Variants in GABRB2 observed in about 807,000 individuals in gnomAD.
The protein encoded by GABRB2 is gamma-aminobutyric acid receptor subunit beta-2.
In GABRB2, 16 loss-of-function variants were observed where a neutral mutation model predicts 54.7. The observed-to-expected ratio is 0.29, with a 90% CI of 0.20 to 0.44. The LOEUF (loss-of-function observed/expected upper bound fraction) is 0.44. Among genes scored for constraint, GABRB2 ranks in the 20% least tolerant of loss-of-function variants. GABRB2 has a pLI of 1.00. For missense variants in GABRB2, 355 were observed against 644.0 expected (o/e 0.55, Z 4.86); for synonymous variants, 244 against 233.8 (o/e 1.04, Z -0.40).
At chr5:161,356,111 T>A (rs553671359) in intron 5 of GABRB2, among the ~76,000 whole-genome samples, 1 of 152,210 alleles carries the variant, frequency 6.6e-6, no homozygotes, top group East Asian at 1.9e-4. Context: ...GACATACACA[T>A]GAATAGGATC....
intron 4 of GABRB2, among the ~76,000 whole-genome samples, chr5:161,421,795 T>C (rs1580972233): frequency 6.6e-6 from 1 of 152,302 alleles, no homozygotes; most frequent in African/African-American, 2.4e-5. Context: ...GAGGAAAGCC[T>C]GTTTTAACTG....
intron 5 of GABRB2, among the ~76,000 whole-genome samples, chr5:161,373,083 C>A (rs1414405530): frequency 6.6e-6 from 1 of 151,538 alleles, no homozygotes; most frequent in African/African-American, 2.4e-5. Flanking sequence ...ATTTTTTTTT[C>A]CACTTAGAAA....
intron 5 of GABRB2, among the ~76,000 whole-genome samples, chr5:161,369,629 A>AAG (rs1258340972): frequency 1.3e-5 from 2 of 151,668 alleles, no homozygotes; most frequent in South Asian, 4.2e-4. Flanking sequence ...TTTATTGAGA[A>AAG]AGAGAGAGAG....
intron 4 of GABRB2, among the ~76,000 whole-genome samples, chr5:161,443,107 C>T (rs1001501291): frequency 6.6e-6 from 1 of 152,076 alleles, no homozygotes; most frequent in Admixed American, 6.6e-5. Context: ...ATTACACCCT[C>T]CCCTCCCTGC....
intron 4 of GABRB2, among the ~76,000 whole-genome samples, chr5:161,445,231 A>G (rs564464309): frequency 1.3e-5 from 2 of 152,296 alleles, no homozygotes; most frequent in Non-Finnish European, 2.9e-5. Flanking sequence ...ATATAGTTAT[A>G]AAGAATAAAA....
chr5:161,445,170 C>T (rs780352822), intron 4 of GABRB2, among the ~76,000 whole-genome samples: 5 of 152,080 alleles, frequency 3.3e-5, no homozygotes, highest in Admixed American at 1.3e-4. Flanking sequence ...TCTCACAGAG[C>T]TTATATTCTA....
intron 4 of GABRB2, among the ~76,000 whole-genome samples, chr5:161,433,338 G>A (rs998772507): frequency 2.0e-5 from 3 of 151,810 alleles, no homozygotes; most frequent in Non-Finnish European, 4.4e-5. Context: ...GATGGCTCAT[G>A]CCTGTAATCC....
intron 9 of GABRB2, among the ~76,000 whole-genome samples, chr5:161,315,104 C>A (rs1405198141): frequency 6.6e-6 from 1 of 151,852 alleles, no homozygotes; most frequent in African/African-American, 2.4e-5. Flanking sequence ...TAAAAATAGG[C>A]AAAATATTAC....
chr5:161,309,867 G>A (rs943991907), intron 9 of GABRB2, among the ~76,000 whole-genome samples: 5 of 152,030 alleles, frequency 3.3e-5, no homozygotes, highest in Admixed American at 6.5e-5. Flanking sequence ...TCCTGACCTC[G>A]TGATCTGCCC....
intron 8 of GABRB2, chr5:161,326,952 T>A: frequency 4.1e-6 from 4 of 975,020 alleles, no homozygotes; most frequent in Non-Finnish European, 4.9e-6. Flanking sequence ...GGAAACAATA[T>A]AAAGCTTAAA....
In GABRB2 at chr5:161,294,423, G is replaced by A. The variant is rs1374496967; in HGVS notation, c.1197C>T (p.Asp399=). ...TGCTCAGTAAGATGTTCTCATGGGG[G>A]TCCATCTGCAAGGGAAGAGAATCAA... is the stretch of plus-strand genomic sequence containing the variant. ...TNYDFSLYTM[D]PHENILLSTL... is the part of the protein sequence containing the mutation. Residue 399 remains aspartate (D), a synonymous_variant, in exon 10 of 10, where the codon GAC becomes GAT. Coordinates refer to ENST00000393959, the MANE Select transcript of GABRB2 (RefSeq NM_001371727.1). 5 of 1,610,202 alleles carry A rather than the reference G, an allele frequency of 3.1e-6. No homozygotes were observed. Among genetic ancestry groups the A allele is most frequent in the African/African-American group, 1.3e-5 (1 of 74,764 alleles).
chr5:161,529,855 AAAC>A (rs1406317364), intron 3 of GABRB2, among the ~76,000 whole-genome samples: 1 of 152,112 alleles, frequency 6.6e-6, no homozygotes, highest in African/African-American at 2.4e-5. Context: ...TTTAAATCCA[AAAC>A]AACAATTCCT....
chr5:161,524,802 C>T (rs771962156), intron 3 of GABRB2, among the ~76,000 whole-genome samples: 3 of 151,184 alleles, frequency 2.0e-5, no homozygotes, highest in Non-Finnish European at 4.5e-5. Flanking sequence ...AGATATTTTG[C>T]TTCTTACACT....
At chr5:161,533,572 G>A (rs73797406) in intron 3 of GABRB2, among the ~76,000 whole-genome samples, 2,646 of 152,130 alleles carry the variant, frequency 0.017, 84 homozygotes, top group African/African-American at 0.061. Flanking sequence ...TAATTTGCAT[G>A]TTATTGTTAT....
At chr5:161,521,713 A>G (rs1760121701) in intron 3 of GABRB2, among the ~76,000 whole-genome samples, 1 of 151,908 alleles carries the variant, frequency 6.6e-6, no homozygotes, top group Admixed American at 6.6e-5. Flanking sequence ...CGCCACTGGT[A>G]AAACAGAGTA....
chr5:161,463,875 C>A (rs1758202993), intron 3 of GABRB2, among the ~76,000 whole-genome samples: 1 of 151,360 alleles, frequency 6.6e-6, no homozygotes, highest in Non-Finnish European at 1.5e-5. Context: ...AATGGAACTT[C>A]CATATACAAG....
rs933250674 is a variant in GABRB2, at chr5:161,505,125, GT to G, written c.237+40101del. Among the ~76,000 whole-genome samples, 3 of 89,666 alleles carry G rather than the reference GT, an allele frequency of 3.3e-5. No homozygotes were observed. The Admixed American group carries it at 3.4e-4, about 10-fold the overall frequency. 58.8% of individuals were successfully genotyped at this position (89,666 alleles called of 152,430 possible). Reference sequence around the variant, plus strand: ...TTTCCTTTTCTTTTTTTTTTTTTTTGTTTGTTTGTTTGTTTTGTTTTTTGAG... The same window carrying G: ...TTTCCTTTTCTTTTTTTTTTTTTTTGTTGTTTGTTTGTTTTGTTTTTTGAG... On this transcript the variant is annotated intron_variant, in intron 3 of 9. Coordinates refer to ENST00000393959, the MANE Select transcript of GABRB2 (RefSeq NM_001371727.1).
chr5:161,325,733 A>G (rs188039342), intron 9 of GABRB2, among the ~76,000 whole-genome samples: 50 of 152,262 alleles, frequency 3.3e-4, no homozygotes, highest in Admixed American at 1.4e-3. Flanking sequence ...GATCACCAAC[A>G]CATGAGGATT....
At chr5:161,480,115 C>A (rs919513951) in intron 3 of GABRB2, among the ~76,000 whole-genome samples, 4 of 151,962 alleles carry the variant, frequency 2.6e-5, no homozygotes, top group Non-Finnish European at 5.9e-5. Flanking sequence ...TCAGTCAGTA[C>A]AATGGTAGTC....
Sources: allele counts gnomAD v4.1 joint callset (sites outside exome capture counted in the v4.1 genomes callset), GRCh38; gene constraint gnomAD v4.1.1; transcripts MANE v1.5; gene names NCBI Gene and HGNC (gene_info 2026-07-23, HGNC 2026-07-21).